The following PHF21A variants were observed in gnomAD, a reference collection of about 807,000 sequenced individuals.
The protein encoded by PHF21A is PHD finger protein 21A, also known as BHC80a.
Under a neutral mutation model 82.5 loss-of-function variants are expected in PHF21A, and 11 were observed. The ratio of observed to expected loss-of-function variants is 0.13; its 90% CI spans 0.08 to 0.22. The LOEUF (loss-of-function observed/expected upper bound fraction) is 0.22. PHF21A is among the 10% of genes least tolerant of loss of function. The pLI, the probability that PHF21A is intolerant of heterozygous loss-of-function variation, is 1.00. For missense variants in PHF21A, 579 were observed against 837.8 expected (o/e 0.69, Z 3.81); for synonymous variants, 297 against 302.8 (o/e 0.98, Z 0.20).
intron 1 of PHF21A, among the ~76,000 whole-genome samples, chr11:46,109,665 A>G (rs924845769): frequency 3.9e-5 from 6 of 152,134 alleles, no homozygotes; most frequent in Non-Finnish European, 7.4e-5. Context: ...CACCATAAAC[A>G]CACACGTAAA....
chr11:45,936,533 T>C lies in PHF21A; in HGVS notation c.1645A>G (p.Thr549Ala). Residue 549 changes from threonine to alanine, a missense_variant, in exon 17 of 19, where the codon ACT becomes GCT. Coordinates refer to ENST00000676320, the MANE Select transcript of PHF21A (RefSeq NM_001352027.3). The stretch of plus-strand genomic sequence containing the variant: ...ATATAGGAATGAACAATTGCTAAAG[T>C]TCCAGGCCATGGAATTGCTTCTTCC... ...KKEEAIPWPG[T>A]LAIVHSYIAY... 1 of 1,613,532 alleles carries C rather than the reference T, an allele frequency of 6.2e-7. No individual in the cohort carries two copies.
intron 1 of PHF21A, among the ~76,000 whole-genome samples, chr11:46,097,383 C>A (rs1388123801): frequency 6.6e-6 from 1 of 152,166 alleles, no homozygotes; most frequent in Non-Finnish European, 1.5e-5. Context: ...TTTCCAGCAA[C>A]ACTGGCCTCT....
At chr11:45,939,039 A>C (rs2089796021) in intron 15 of PHF21A, among the ~76,000 whole-genome samples, 1 of 152,188 alleles carries the variant, frequency 6.6e-6, no homozygotes, top group South Asian at 2.1e-4. Context: ...TTCACGTGTT[A>C]GCCAGGATGG....
chr11:46,076,581 T>C (rs555403395), intron 6 of PHF21A, among the ~76,000 whole-genome samples, 173 bp downstream of exon 6: 2 of 152,328 alleles, frequency 1.3e-5, no homozygotes, highest in South Asian at 4.1e-4. Context: ...AGAGACTGAT[T>C]TCAACCAAAA....
intron 9 of PHF21A, among the ~76,000 whole-genome samples, chr11:45,969,278 A>AG (rs746206214): frequency 1.6e-4 from 24 of 152,228 alleles, no homozygotes; most frequent in Non-Finnish European, 3.4e-4. Context: ...GAACACTCTC[A>AG]GGAGAGTATG....
chr11:45,938,148 C>T lies in PHF21A; in HGVS notation c.1608+9G>A, dbSNP rs749416748. Reference sequence around the variant, plus strand: ...TCGGCCCCTCCCCTGTTGGACCCACCCACAGTACCTGGTCCTGACATCTGG... The same window carrying T: ...TCGGCCCCTCCCCTGTTGGACCCACTCACAGTACCTGGTCCTGACATCTGG... On this transcript the variant is annotated intron_variant, in intron 16 of 18. Coordinates refer to ENST00000676320, the MANE Select transcript of PHF21A (RefSeq NM_001352027.3). 3 of 1,573,648 alleles carry T rather than the reference C, an allele frequency of 1.9e-6. No individual in the cohort carries two copies. The highest frequency in any genetic ancestry group is 2.4e-5 in the South Asian group (2 of 84,302).
At chr11:46,095,119 T>C (rs2096977539) in intron 1 of PHF21A, among the ~76,000 whole-genome samples, 1 of 152,232 alleles carries the variant, frequency 6.6e-6, no homozygotes, top group Middle Eastern at 3.4e-3. Context: ...TTAAACACTG[T>C]GCACATCAGA....
intron 6 of PHF21A, among the ~76,000 whole-genome samples, chr11:46,059,216 G>T (rs571995777): frequency 6.6e-6 from 1 of 152,020 alleles, no homozygotes; most frequent in African/African-American, 2.4e-5. Context: ...GCATACAACA[G>T]TAAAAAACTG....
chr11:46,080,470 G>A (rs561379108), intron 4 of PHF21A, among the ~76,000 whole-genome samples: 40 of 151,288 alleles, frequency 2.6e-4, no homozygotes, highest in African/African-American at 9.0e-4. Flanking sequence ...TTAAAAAGAA[G>A]AAAAAAAATT....
At chr11:45,986,372 C>T (rs971112311) in intron 6 of PHF21A, among the ~76,000 whole-genome samples, 1 of 151,922 alleles carries the variant, frequency 6.6e-6, no homozygotes, top group African/African-American at 2.4e-5. Context: ...ATTTAGAGAC[C>T]CTTCTAAAAA....
intron 6 of PHF21A, among the ~76,000 whole-genome samples, chr11:45,980,676 C>T (rs1193858369): frequency 2.0e-5 from 3 of 152,130 alleles, no homozygotes; most frequent in Admixed American, 6.5e-5. Flanking sequence ...CTGGGCCCAG[C>T]TTATTATTTT....
At chr11:45,961,990 C>G (rs575476209) in intron 10 of PHF21A, among the ~76,000 whole-genome samples, 1 of 152,278 alleles carries the variant, frequency 6.6e-6, no homozygotes, top group African/African-American at 2.4e-5. Flanking sequence ...TTATGTCTGA[C>G]AGGGGAAGGA....
rs373217561 is a variant in PHF21A, at chr11:46,024,375, TA to T, written c.154-44410del. Reference sequence around the variant, plus strand: ...CATGAAAGTGCTTTCTGCTTGTTATTAAGCAACATCACTTTTCTTCCATTAA... The same window carrying T: ...CATGAAAGTGCTTTCTGCTTGTTATTAGCAACATCACTTTTCTTCCATTAA... On this transcript the variant is annotated intron_variant, in intron 6 of 18. Transcript: ENST00000676320. 2.9e-4 allele frequency among the ~76,000 whole-genome samples: 44 copies of T among 152,332 alleles called. 1 individual carries two copies. In the East Asian group the frequency reaches 6.6e-3, roughly 23 times the overall value.
intron 1 of PHF21A, among the ~76,000 whole-genome samples, chr11:46,112,505 CA>C (rs1221696707): frequency 1.4e-4 from 22 of 152,038 alleles, no homozygotes; most frequent in Admixed American, 7.9e-4. Flanking sequence ...GAATCCTCAC[CA>C]AAAAAATTTA....
intron 10 of PHF21A, among the ~76,000 whole-genome samples, chr11:45,958,713 C>T (rs141975302): frequency 3.3e-5 from 5 of 151,920 alleles, no homozygotes; most frequent in East Asian, 3.9e-4. Flanking sequence ...TCCACGAGTT[C>T]GAGACCAGCC....
chr11:46,108,899 G>C (rs184830748), intron 1 of PHF21A, among the ~76,000 whole-genome samples: 2 of 152,078 alleles, frequency 1.3e-5, no homozygotes, highest in African/African-American at 4.8e-5. Flanking sequence ...CCCATGCTAC[G>C]CACTATGCTT....
intron 10 of PHF21A, among the ~76,000 whole-genome samples, chr11:45,958,026 G>A (rs1364380907): frequency 2.0e-5 from 3 of 151,704 alleles, no homozygotes; most frequent in Non-Finnish European, 4.4e-5. Context: ...TAGATGCAAT[G>A]GAAAACTCCT....
Position 45,986,084 on chromosome 11 carries a change from A to AACAC in PHF21A, c.154-6122_154-6119dup, listed in dbSNP as rs60179976. ...TCTTTGGGGCTTATTCTTCCTTCAA[A>AACAC]ACACACACACACACACACACACACA... is the stretch of plus-strand genomic sequence containing the variant. On this transcript the variant is annotated intron_variant, in intron 6 of 18. Transcript: ENST00000676320. Among the ~76,000 whole-genome samples, 17 of 132,280 alleles carry AACAC rather than the reference A, an allele frequency of 1.3e-4. 1 individual carries two copies. The highest frequency in any genetic ancestry group is 7.6e-4 in the South Asian group (3 of 3,936). The allele number at this position is 132,280 out of a possible 152,430, so 86.8% of individuals were successfully genotyped here. A position where few individuals can be genotyped will look rare whatever the true frequency, so the allele number is the denominator to read the frequency against.
At chr11:45,983,101 T>A (rs1268257353) in intron 6 of PHF21A, among the ~76,000 whole-genome samples, 1 of 151,388 alleles carries the variant, frequency 6.6e-6, no homozygotes, top group Non-Finnish European at 1.5e-5. Flanking sequence ...CGGGCTAGAG[T>A]ACTACTCTTC....
Sources: gnomAD v4.1 joint callset for allele counts (sites outside exome capture counted in the v4.1 genomes callset) on GRCh38, gnomAD v4.1.1 for gene constraint, MANE v1.5 for transcripts, NCBI Gene and HGNC (gene_info 2026-07-23, HGNC 2026-07-21) for gene names.